GATA4: variants seen among roughly 807,000 people sequenced by gnomAD.
GATA4 encodes GATA binding protein 4, also known as transcription factor GATA-4.
In GATA4, 7 loss-of-function variants were observed where a neutral mutation model predicts 37.9. That is an observed-to-expected ratio of 0.18 (90% CI 0.11 to 0.35). The LOEUF (loss-of-function observed/expected upper bound fraction) is 0.35, where lower values mean the gene tolerates loss of function less well. Ranked by LOEUF, GATA4 falls within the 10% of genes least tolerant of loss-of-function variation. The probability of loss-of-function intolerance (pLI) is 1.00; values close to 1 mark genes in which losing one functional copy is unlikely to be tolerated. For synonymous variants in GATA4, 372 were observed against 292.6 expected, an observed-to-expected ratio of 1.27 and a Z score of -2.77; for missense variants, 647 against 653.0, an observed-to-expected ratio of 0.99 and a Z score of 0.10.
intron 1 of GATA4, chr8:11,680,468 GTTTGC>G: frequency 2.0e-6 from 2 of 985,362 alleles, no homozygotes; most frequent in South Asian, 9.4e-5. Flanking sequence ...GCCGAAGCCG[GTTTGC>G]TTTGGATGCA....
intron 1 of GATA4, chr8:11,692,730 G>A (rs1429798130): frequency 4.8e-5 from 47 of 984,292 alleles, no homozygotes; most frequent in Non-Finnish European, 5.7e-5. Context: ...GAGAGCAGGC[G>A]CCGGGACCCA....
At chr8:11,705,004 G>C (rs62489319) in intron 1 of GATA4, among the ~76,000 whole-genome samples, 32,473 of 152,298 alleles carry the variant, frequency 0.21, 5,467 homozygotes, top group African/African-American at 0.46. Flanking sequence ...CCGGCCACGG[G>C]GCTGCCCGGA....
chr8:11,709,149 G>T lies in GATA4; in HGVS notation c.616+221G>T, dbSNP rs1036576541. On this transcript the variant is annotated intron_variant, in intron 2 of 6. Coordinates refer to ENST00000532059, the MANE Select transcript of GATA4 (RefSeq NM_001308093.3). The surrounding 1 kb of genome is among the most constrained non-coding windows in gnomAD (Gnocchi z 4.3). ...GAAGGGGCCGGGCCTGCCCGCCGGG[G>T]CCTCTTCTGAGATGGTGTCAGGGTC... is the stretch of plus-strand genomic sequence containing the variant. 6.6e-6 allele frequency among the ~76,000 whole-genome samples: 1 copy of T among 152,218 alleles called. No homozygotes were observed. The highest frequency in any genetic ancestry group is 2.4e-5 in the African/African-American group (1 of 41,470).
In GATA4 at chr8:11,749,155, T is replaced by C; in HGVS notation, c.786+70T>C. 2.0e-6 allele frequency: 3 copies of C among 1,526,316 alleles called. No individual in the cohort carries two copies. The allele number at this position is 1,526,316 out of a possible 1,614,324, so 94.5% of individuals were successfully genotyped here. A position where few individuals can be genotyped will look rare whatever the true frequency, so the allele number is the denominator to read the frequency against. ...GCTCTCGCCTTGGTGGGACATCCTCTGGTTTTGAATTTTGGAACTTGAGGG... is the reference window on the plus strand; with the variant it reads ...GCTCTCGCCTTGGTGGGACATCCTCCGGTTTTGAATTTTGGAACTTGAGGG... On this transcript the variant is annotated intron_variant, in intron 3 of 6. Coordinates refer to ENST00000532059, the MANE Select transcript of GATA4 (RefSeq NM_001308093.3). The surrounding 1 kb of genome is among the most constrained non-coding windows in gnomAD (Gnocchi z 4.6).
intron 5 of GATA4, 90 bp from the exon 6 acceptor site, chr8:11,756,845 G>C (rs1286210143): frequency 8.3e-6 from 13 of 1,559,692 alleles, no homozygotes; most frequent in Non-Finnish European, 1.1e-5. Context: ...AAAGCCATTA[G>C]CTTGCACCCA....
At chr8:11,730,398 T>C (rs1203330970) in intron 2 of GATA4, among the ~76,000 whole-genome samples, 1 of 152,196 alleles carries the variant, frequency 6.6e-6, no homozygotes, top group African/African-American at 2.4e-5. Flanking sequence ...TGATGATCTG[T>C]GAGATTCAGT....
intron 2 of GATA4, among the ~76,000 whole-genome samples, chr8:11,741,491 A>C (rs919972240): frequency 6.6e-6 from 1 of 151,962 alleles, no homozygotes; most frequent in African/African-American, 2.4e-5. Flanking sequence ...AAAACAAACA[A>C]ACAAAAAAAG....
intron 1 of GATA4, among the ~76,000 whole-genome samples, chr8:11,693,475 A>G (rs1372649846): frequency 9.1e-5 from 12 of 131,974 alleles, no homozygotes; most frequent in Admixed American, 7.0e-4. Flanking sequence ...GAAAGGGAGA[A>G]AGAAGAGAGA....
At chr8:11,723,091 A>C (rs1478624619) in intron 2 of GATA4, among the ~76,000 whole-genome samples, 1 of 152,194 alleles carries the variant, frequency 6.6e-6, no homozygotes, top group African/African-American at 2.4e-5. Flanking sequence ...TCATGCTTGT[A>C]ATCCCAGCAC....
intron 5 of GATA4, chr8:11,756,720 G>A (rs750302963): frequency 1.9e-5 from 12 of 623,614 alleles, no homozygotes; most frequent in Non-Finnish European, 3.4e-5. Flanking sequence ...TTTGAAGCCT[G>A]AAACACACGT....
intron 2 of GATA4, among the ~76,000 whole-genome samples, chr8:11,747,459 G>A (rs1802089736): frequency 6.6e-6 from 1 of 152,206 alleles, no homozygotes; most frequent in Non-Finnish European, 1.5e-5. Context: ...GCTTATGTGA[G>A]CAGCTCTAAA....
chr8:11,739,242 T>C (rs1377806485), intron 2 of GATA4, among the ~76,000 whole-genome samples: 1 of 152,250 alleles, frequency 6.6e-6, no homozygotes. Flanking sequence ...AAGAACATAG[T>C]CTATCCAATT....
intron 1 of GATA4, chr8:11,681,211 A>G: frequency 3.0e-6 from 3 of 984,904 alleles, no homozygotes; most frequent in Non-Finnish European, 3.6e-6. Flanking sequence ...CGGGATCTGG[A>G]GGCAGAGATT....
intron 2 of GATA4, among the ~76,000 whole-genome samples, chr8:11,738,654 G>A (rs7838131): frequency 0.48 from 73,027 of 152,046 alleles, 18,505 homozygotes; most frequent in Middle Eastern, 0.59. Context: ...TAAATTCCTG[G>A]AAGTGGAGTT....
At chr8:11,712,182 A>T (rs886973150) in intron 2 of GATA4, among the ~76,000 whole-genome samples, 1 of 152,212 alleles carries the variant, frequency 6.6e-6, no homozygotes, top group African/African-American at 2.4e-5. Flanking sequence ...TTGAATAGCC[A>T]CTCACTGTCA....
Position 11,758,625 on chromosome 8 carries a change from G to A in GATA4, c.*150G>A. 1.3e-6 allele frequency: 1 copy of A among 772,738 alleles called. No homozygotes were observed. The highest frequency in any genetic ancestry group is 1.5e-5 in the South Asian group (1 of 67,378). The allele number at this position is 772,738 out of a possible 1,614,324, so 47.9% of individuals were successfully genotyped here. A position where few individuals can be genotyped will look rare whatever the true frequency, so the allele number is the denominator to read the frequency against. On this transcript the variant is annotated 3_prime_UTR_variant, in exon 7 of 7. Coordinates refer to ENST00000532059, the MANE Select transcript of GATA4 (RefSeq NM_001308093.3). ...GAAGAAACTTGAAGTCGACAATCTG[G>A]TTAGGGGAAGCGGGTGTTGGATTTT...
At chr8:11,680,366 C>A in intron 1 of GATA4, 1 of 516,848 alleles carries the variant, frequency 1.9e-6, no homozygotes, top group Non-Finnish European at 2.5e-6. Context: ...CTGCAAGTAA[C>A]TAACCAGGCC....
At chr8:11,731,074 A>G (rs1429028321) in intron 2 of GATA4, among the ~76,000 whole-genome samples, 1 of 151,918 alleles carries the variant, frequency 6.6e-6, no homozygotes, top group African/African-American at 2.4e-5. Flanking sequence ...TCATTTCCTT[A>G]CCTGTAATCT....
In GATA4 at chr8:11,708,095, A is replaced by G; in HGVS notation, c.-218A>G. 1.6e-6 allele frequency: 1 copy of G among 643,910 alleles called. No homozygotes were observed. 39.9% of individuals were successfully genotyped at this position (643,910 alleles called of 1,614,324 possible). ...GGAACCACCAAAAATTCAAATTGGG[A>G]TTTTCCGGAGTAAACAAGAGCCTAG... On this transcript the variant is annotated 5_prime_UTR_variant, in exon 2 of 7. Transcript: ENST00000532059. The surrounding 1 kb of genome is among the most constrained non-coding windows in gnomAD (Gnocchi z 6.7).
Sources: allele counts gnomAD v4.1 joint callset (sites outside exome capture counted in the v4.1 genomes callset), GRCh38; gene constraint gnomAD v4.1.1; non-coding constraint Gnocchi (gnomAD v3.1); transcripts MANE v1.5; gene names NCBI Gene and HGNC (gene_info 2026-07-23, HGNC 2026-07-21).